Variants in FBXW11 observed in about 807,000 individuals in gnomAD.
FBXW11 encodes F-box and WD repeat domain containing 11, also known as F-box/WD repeat-containing protein 11.
Under a neutral mutation model 77.6 loss-of-function variants are expected in FBXW11, and 19 were observed. The ratio of observed to expected loss-of-function variants is 0.24; its 90% confidence interval spans 0.17 to 0.36. The LOEUF is 0.36. Ranked by LOEUF, FBXW11 falls within the 10% of genes least tolerant of loss-of-function variation. The pLI is 1.00. For synonymous variants in FBXW11, 235 were observed against 249.4 expected, an observed-to-expected ratio of 0.94 and a Z score of 0.54; for missense variants, 334 against 704.2, an observed-to-expected ratio of 0.47 and a Z score of 5.95.
At chr5:171,979,333 A>G (rs1471444383) in intron 1 of FBXW11, among the ~76,000 whole-genome samples, 2 of 148,148 alleles carry the variant, frequency 1.3e-5, no homozygotes, top group African/African-American at 4.9e-5. Context: ...TACATACATA[A>G]TACATACATA....
At chr5:172,000,081 G>A (rs1205312497) in intron 1 of FBXW11, among the ~76,000 whole-genome samples, 5 of 152,140 alleles carry the variant, frequency 3.3e-5, no homozygotes, top group African/African-American at 4.8e-5. Flanking sequence ...AAGCAATTGC[G>A]ATCAGCAGAA....
At chr5:171,997,771 A>G (rs1432589061) in intron 1 of FBXW11, among the ~76,000 whole-genome samples, 1 of 152,246 alleles carries the variant, frequency 6.6e-6, no homozygotes, top group Non-Finnish European at 1.5e-5. Flanking sequence ...ATATCAAATT[A>G]GACTGCAAAT....
intron 7 of FBXW11, among the ~76,000 whole-genome samples, chr5:171,887,558 G>A (rs923115539): frequency 1.5e-4 from 23 of 152,032 alleles, no homozygotes; most frequent in Non-Finnish European, 2.9e-4. Context: ...AAAAGTAAGG[G>A]GAAAGAGGGG....
chr5:171,949,225 G>A (rs1040753661), intron 2 of FBXW11, among the ~76,000 whole-genome samples: 1 of 152,188 alleles, frequency 6.6e-6, no homozygotes, highest in Admixed American at 6.5e-5. Flanking sequence ...ATAGGAAGGT[G>A]AAGAAGAATA....
intron 1 of FBXW11, 127 bp downstream of exon 1, chr5:172,006,331 G>C: frequency 2.6e-6 from 2 of 779,664 alleles, no homozygotes; most frequent in Non-Finnish European, 3.7e-6. Context: ...GGGAAGGCTG[G>C]GGGCCCGGGT....
intron 2 of FBXW11, among the ~76,000 whole-genome samples, chr5:171,917,485 T>C (rs2113968457): frequency 6.6e-6 from 1 of 152,330 alleles, no homozygotes; most frequent in African/African-American, 2.4e-5. Flanking sequence ...GCTATTGCCT[T>C]AAGGCTTCAT....
At chr5:171,880,955 C>T (rs940933370) in intron 7 of FBXW11, among the ~76,000 whole-genome samples, 1 of 152,162 alleles carries the variant, frequency 6.6e-6, no homozygotes, top group Non-Finnish European at 1.5e-5. Context: ...CTCGGCCTCC[C>T]TAAAGTGCTG....
intron 7 of FBXW11, among the ~76,000 whole-genome samples, chr5:171,880,098 T>C (rs539109335): frequency 1.3e-5 from 2 of 152,332 alleles, no homozygotes; most frequent in Admixed American, 6.5e-5. Context: ...CCATTTTGAG[T>C]TAATTTTTGT....
At chr5:171,916,080 G>C (rs1490171426) in intron 2 of FBXW11, among the ~76,000 whole-genome samples, 1 of 150,938 alleles carries the variant, frequency 6.6e-6, no homozygotes, top group Non-Finnish European at 1.5e-5. Context: ...TCACACACTG[G>C]GGCCTGTCGT....
intron 7 of FBXW11, among the ~76,000 whole-genome samples, chr5:171,889,898 A>AT (rs1561652562): frequency 2.6e-5 from 4 of 152,204 alleles, no homozygotes; most frequent in South Asian, 2.1e-4. Flanking sequence ...CTCAAAAAAA[A>AT]TTTTTTTTAA....
chr5:171,913,981 T>C (rs1272927867), intron 3 of FBXW11, among the ~76,000 whole-genome samples: 1 of 149,868 alleles, frequency 6.7e-6, no homozygotes, highest in African/African-American at 2.5e-5. Flanking sequence ...GAGAGAAGAG[T>C]AAAGGTTGAG....
intron 1 of FBXW11, among the ~76,000 whole-genome samples, chr5:171,983,503 G>A (rs568280281): frequency 1.6e-4 from 24 of 152,060 alleles, no homozygotes; most frequent in African/African-American, 4.8e-4. Flanking sequence ...GGGTAGGGGG[G>A]CAATCTCGGG....
intron 7 of FBXW11, among the ~76,000 whole-genome samples, chr5:171,889,795 G>A (rs1759196134): frequency 6.6e-6 from 1 of 151,968 alleles, no homozygotes; most frequent in Admixed American, 6.6e-5. Context: ...GGCTGAGGCA[G>A]GATAATCGCT....
intron 3 of FBXW11, among the ~76,000 whole-genome samples, chr5:171,913,521 A>G (rs1038723555): frequency 4.6e-5 from 7 of 152,188 alleles, no homozygotes; most frequent in Non-Finnish European, 1.0e-4. Context: ...CACATTTTCA[A>G]TATGCTATTT....
chr5:171,884,497 T>G (rs1180134289), intron 7 of FBXW11, among the ~76,000 whole-genome samples: 1 of 152,216 alleles, frequency 6.6e-6, no homozygotes, highest in Non-Finnish European at 1.5e-5. Flanking sequence ...TTTATTCTTT[T>G]TGCTTAGTCT....
chr5:171,866,352 G>A (rs1757390009), intron 13 of FBXW11, among the ~76,000 whole-genome samples: 1 of 152,096 alleles, frequency 6.6e-6, no homozygotes, highest in African/African-American at 2.4e-5. Context: ...AAATTGAAGA[G>A]ACAAACACAT....
chr5:171,965,209 A>T (rs572022434), intron 1 of FBXW11, among the ~76,000 whole-genome samples: 1 of 152,324 alleles, frequency 6.6e-6, no homozygotes, highest in South Asian at 2.1e-4. Flanking sequence ...AACAATTTTC[A>T]TCTTGAATTA....
intron 1 of FBXW11, among the ~76,000 whole-genome samples, chr5:171,963,677 A>T (rs1764031274): frequency 6.6e-6 from 1 of 152,166 alleles, no homozygotes; most frequent in Non-Finnish European, 1.5e-5. Flanking sequence ...ACAGAGATGG[A>T]GGTGGAGGTG....
intron 2 of FBXW11, among the ~76,000 whole-genome samples, chr5:171,940,476 C>T (rs1762691260): frequency 6.6e-6 from 1 of 152,106 alleles, no homozygotes; most frequent in Admixed American, 6.5e-5. Flanking sequence ...TGAAAGGAAA[C>T]AAGGCTCTTC....
Sources: allele counts gnomAD v4.1 joint callset (sites outside exome capture counted in the v4.1 genomes callset), GRCh38; gene constraint gnomAD v4.1.1; transcripts MANE v1.5; gene names NCBI Gene and HGNC (gene_info 2026-07-23, HGNC 2026-07-21).